The following EYS variants were observed in gnomAD, a reference collection of about 807,000 sequenced individuals.
EYS encodes protein eyes shut homolog.
In EYS, 250 loss-of-function variants were observed where a neutral mutation model predicts 282.1. The ratio of observed to expected loss-of-function variants is 0.89; its 90% confidence interval spans 0.80 to 0.98. The LOEUF (loss-of-function observed/expected upper bound fraction) is 0.98, where lower values mean the gene tolerates loss of function less well. EYS is among the 50% of genes least tolerant of loss of function. EYS has a pLI of 0.00. For synonymous variants in EYS, 1,355 were observed against 1,282.9 expected, an observed-to-expected ratio of 1.06 and a Z score of -1.20; for missense variants, 4,016 against 3,709.0, an observed-to-expected ratio of 1.08 and a Z score of -2.15.
At chr6:65,102,249 G>T (rs897677719) in intron 12 of EYS, among the ~76,000 whole-genome samples, 5 of 151,162 alleles carry the variant, frequency 3.3e-5, no homozygotes, top group Admixed American at 6.6e-5. Flanking sequence ...TGTGTAGCTT[G>T]CATTTCAACC....
intron 12 of EYS, among the ~76,000 whole-genome samples, chr6:65,266,736 G>A (rs1318573573): frequency 1.3e-5 from 2 of 151,238 alleles, no homozygotes; most frequent in Non-Finnish European, 3.0e-5. Flanking sequence ...TAGTTCATTA[G>A]TATCATGAGC....
At chr6:65,599,328 C>A (rs1319907782) in intron 2 of EYS, among the ~76,000 whole-genome samples, 1 of 151,996 alleles carries the variant, frequency 6.6e-6, no homozygotes, top group Non-Finnish European at 1.5e-5. Flanking sequence ...ACACATGGAC[C>A]CAGAGGATTT....
At chr6:64,230,986 T>C (rs967408401) in intron 30 of EYS, among the ~76,000 whole-genome samples, 162 bp from the exon 31 acceptor site, 1 of 152,216 alleles carries the variant, frequency 6.6e-6, no homozygotes, top group African/African-American at 2.4e-5. Flanking sequence ...TTCACAATTA[T>C]GAGATTTGTA....
rs571736777 is a variant in EYS at position 64,672,622 on chromosome 6, A to G, written c.3444-46377T>C. ...ATTTCAACCCTTTTATTCTCTCACTATTCCCTTTCCACTATCAATTTGGAT... is the reference window on the plus strand; with the variant it reads ...ATTTCAACCCTTTTATTCTCTCACTGTTCCCTTTCCACTATCAATTTGGAT... On this transcript the variant is annotated intron_variant, in intron 22 of 42. Transcript: ENST00000503581. Among the ~76,000 whole-genome samples, 109 of 152,146 alleles carry G rather than the reference A, an allele frequency of 7.2e-4. 1 individual carries two copies. The highest frequency in any genetic ancestry group is 2.6e-3 in the African/African-American group (107 of 41,424).
chr6:64,600,253 C>A, intron 24 of EYS, among the ~76,000 whole-genome samples: 1 of 27,518 alleles, frequency 3.6e-5, no homozygotes, highest in Admixed American at 3.8e-4. Flanking sequence ...ATGTCCAATT[C>A]TCTCTATGGT....
chr6:64,690,843 C>A (rs749574127), intron 22 of EYS, among the ~76,000 whole-genome samples: 3 of 149,906 alleles, frequency 2.0e-5, no homozygotes, highest in Non-Finnish European at 3.0e-5. Context: ...GTGGGGGGAG[C>A]GGGGAGGGAT....
intron 8 of EYS, among the ~76,000 whole-genome samples, chr6:65,363,681 T>A (rs1464492910): frequency 6.6e-6 from 1 of 151,822 alleles, no homozygotes; most frequent in East Asian, 1.9e-4. Flanking sequence ...TTAATACAAG[T>A]CAAGTTTATT....
intron 41 of EYS, among the ~76,000 whole-genome samples, chr6:63,756,610 G>T (rs1400324523): frequency 1.3e-5 from 2 of 152,114 alleles, no homozygotes; most frequent in East Asian, 1.9e-4. Flanking sequence ...TCTCTGCCAG[G>T]CTTTGGTATC....
chr6:65,442,789 AATAT>A (rs957152539), intron 5 of EYS, among the ~76,000 whole-genome samples: 1 of 105,222 alleles, frequency 9.5e-6, no homozygotes, highest in Non-Finnish European at 2.4e-5. Context: ...ATTAAAAAAA[AATAT>A]ATAGACACAC....
chr6:64,351,192 G>A (rs1211270746), intron 29 of EYS, among the ~76,000 whole-genome samples: 1 of 151,316 alleles, frequency 6.6e-6, no homozygotes, highest in Admixed American at 6.6e-5. Context: ...TTGAGATACT[G>A]GTATAACAAT....
chr6:64,548,576 G>A (rs915339794), intron 26 of EYS, among the ~76,000 whole-genome samples: 1 of 151,914 alleles, frequency 6.6e-6, no homozygotes, highest in Non-Finnish European at 1.5e-5. Context: ...ACAATCACAA[G>A]GACAAAAAAC....
At chr6:63,767,873 A>T (rs1306165332) in intron 40 of EYS, among the ~76,000 whole-genome samples, 2 of 152,148 alleles carry the variant, frequency 1.3e-5, no homozygotes, top group African/African-American at 4.8e-5. Context: ...GTGCAGAAAC[A>T]GACACACAGA....
chr6:64,636,426 T>C (rs1193772505), intron 22 of EYS, among the ~76,000 whole-genome samples: 1 of 152,162 alleles, frequency 6.6e-6, no homozygotes, highest in East Asian at 1.9e-4. Context: ...TTACATCTTA[T>C]ACAAAAATTA....
At chr6:64,185,029 G>C (rs1764892147) in intron 31 of EYS, among the ~76,000 whole-genome samples, 1 of 152,042 alleles carries the variant, frequency 6.6e-6, no homozygotes, top group South Asian at 2.1e-4. Context: ...CCTTATAAAA[G>C]AGGCTGTAGA....
intron 29 of EYS, among the ~76,000 whole-genome samples, chr6:64,370,354 C>A (rs1201665109): frequency 6.6e-6 from 1 of 152,146 alleles, no homozygotes; most frequent in Non-Finnish European, 1.5e-5. Context: ...ACCAACCTTG[C>A]ATTCCAGAGA....
intron 7 of EYS, among the ~76,000 whole-genome samples, chr6:65,389,628 G>A (rs1765935034): frequency 6.6e-6 from 1 of 152,084 alleles, no homozygotes; most frequent in South Asian, 2.1e-4. Flanking sequence ...GTAGTTATGG[G>A]AGGGTTTAAA....
At chr6:64,432,802 G>A (rs887930457) in intron 28 of EYS, among the ~76,000 whole-genome samples, 2 of 151,852 alleles carry the variant, frequency 1.3e-5, no homozygotes, top group Non-Finnish European at 2.9e-5. Context: ...TTTGCATTTT[G>A]CTTCATGACA....
intron 2 of EYS, among the ~76,000 whole-genome samples, chr6:65,515,725 G>A (rs1767103716): frequency 1.4e-5 from 2 of 145,308 alleles, no homozygotes; most frequent in East Asian, 2.1e-4. Flanking sequence ...CTCACTCATA[G>A]GTGGGAATTG....
At chr6:64,223,836 A>T (rs922948992) in intron 31 of EYS, among the ~76,000 whole-genome samples, 1 of 152,096 alleles carries the variant, frequency 6.6e-6, no homozygotes, top group African/African-American at 2.4e-5. Context: ...AATTAGAAAT[A>T]TAAGATAAAT....
Sources: allele counts gnomAD v4.1 joint callset (sites outside exome capture counted in the v4.1 genomes callset), GRCh38; gene constraint gnomAD v4.1.1; transcripts MANE v1.5; gene names NCBI Gene and HGNC (gene_info 2026-07-23, HGNC 2026-07-21).